SEMA3E: variants seen among roughly 807,000 people sequenced by gnomAD.
The protein encoded by SEMA3E is semaphorin-3E.
Under a neutral mutation model 93.6 loss-of-function variants are expected in SEMA3E, and 49 were observed. The ratio of observed to expected loss-of-function variants is 0.52; its 90% CI spans 0.42 to 0.66. SEMA3E has a LOEUF of 0.66. Among genes scored for constraint, SEMA3E ranks in the 30% least tolerant of loss-of-function variants. The probability of loss-of-function intolerance (pLI) is 0.00; values close to 1 mark genes in which losing one functional copy is unlikely to be tolerated. For missense variants in SEMA3E, 906 were observed against 964.8 expected (o/e 0.94, Z 0.81); for synonymous variants, 363 against 330.7 (o/e 1.10, Z -1.06).
At chr7:83,546,324 GTGTGTGTGTGTGTGT>G (rs1791650170) in intron 1 of SEMA3E, among the ~76,000 whole-genome samples, 2 of 10,154 alleles carry the variant, frequency 2.0e-4, no homozygotes, top group African/African-American at 1.2e-3. Context: ...AATAAGGGGT[GTGTGTGTGTGTGTGT>G]GTGTGTGTGT....
intron 1 of SEMA3E, among the ~76,000 whole-genome samples, chr7:83,631,564 A>C (rs1793786132): frequency 6.6e-6 from 1 of 152,372 alleles, no homozygotes; most frequent in East Asian, 1.9e-4. Flanking sequence ...TGCTAAGCAA[A>C]TTAAGCAAAG....
At chr7:83,529,719 C>T (rs1375877379) in intron 1 of SEMA3E, among the ~76,000 whole-genome samples, 1 of 152,040 alleles carries the variant, frequency 6.6e-6, no homozygotes, top group African/African-American at 2.4e-5. Flanking sequence ...AACTGAAATG[C>T]TAGGTAGGGA....
intron 1 of SEMA3E, among the ~76,000 whole-genome samples, chr7:83,570,008 C>A (rs1792240751): frequency 6.6e-6 from 1 of 152,070 alleles, no homozygotes; most frequent in African/African-American, 2.4e-5. Context: ...AAAATCAAAA[C>A]CATAGCAAGC....
At chr7:83,537,882 C>G (rs974997588) in intron 1 of SEMA3E, among the ~76,000 whole-genome samples, 1 of 152,152 alleles carries the variant, frequency 6.6e-6, no homozygotes, top group Non-Finnish European at 1.5e-5. Flanking sequence ...CAGCCTTAAA[C>G]AACTATTAAT....
chr7:83,482,564 C>CAAA lies in SEMA3E; in HGVS notation c.276+7547_276+7549dup, dbSNP rs11429680. 2.8e-3 allele frequency among the ~76,000 whole-genome samples: 221 copies of CAAA among 79,772 alleles called. 2 individuals carry two copies. Among genetic ancestry groups the CAAA allele is most frequent in the African/African-American group, 5.1e-3 (89 of 17,314 alleles). The allele number at this position is 79,772 out of a possible 152,430, so 52.3% of individuals were successfully genotyped here. A position where few individuals can be genotyped will look rare whatever the true frequency, so the allele number is the denominator to read the frequency against. On this transcript the variant is annotated intron_variant, in intron 2 of 16. Transcript: ENST00000643230. The stretch of plus-strand genomic sequence containing the variant: ...TGCGCGACAGAGCCACACTCCGTCT[C>CAAA]AAAAAAAAAAAAAAAAAAAAAAAAT...
At chr7:83,624,551 C>T (rs922887351) in intron 1 of SEMA3E, among the ~76,000 whole-genome samples, 5 of 152,146 alleles carry the variant, frequency 3.3e-5, no homozygotes, top group African/African-American at 7.2e-5. Context: ...ACATCCTTCG[C>T]CCACTTTTTG....
Position 83,388,432 on chromosome 7 carries a change from T to C in SEMA3E, c.1668-1382A>G, listed in dbSNP as rs931970629. On this transcript the variant is annotated intron_variant, in intron 14 of 16. Coordinates refer to ENST00000643230, the MANE Select transcript of SEMA3E (RefSeq NM_012431.3). ...ATTAAACAATGAGAATTATCATTAGTATTAATAGTATTGAAATTCTAAAAT... is the reference window on the plus strand; with the variant it reads ...ATTAAACAATGAGAATTATCATTAGCATTAATAGTATTGAAATTCTAAAAT... Among the ~76,000 whole-genome samples, 5 of 151,584 alleles carry C rather than the reference T, an allele frequency of 3.3e-5. No homozygotes were observed. The East Asian group carries it at 5.8e-4, about 18-fold the overall frequency.
intron 1 of SEMA3E, among the ~76,000 whole-genome samples, chr7:83,513,405 T>C (rs115668811): frequency 0.015 from 2,315 of 152,316 alleles, 60 homozygotes; most frequent in African/African-American, 0.052. Context: ...AGCAGTGCCA[T>C]AAATGTTTTA....
At chr7:83,494,145 A>G (rs1290074364) in intron 1 of SEMA3E, among the ~76,000 whole-genome samples, 1 of 151,900 alleles carries the variant, frequency 6.6e-6, no homozygotes, top group Non-Finnish European at 1.5e-5. Context: ...GAGTAAGGGT[A>G]AGAGAAAAAC....
intron 3 of SEMA3E, among the ~76,000 whole-genome samples, chr7:83,466,996 C>T (rs967632988): frequency 5.3e-5 from 8 of 150,276 alleles, no homozygotes; most frequent in African/African-American, 2.0e-4. Flanking sequence ...AATGAATCAG[C>T]ATAAAGTCAT....
intron 1 of SEMA3E, among the ~76,000 whole-genome samples, chr7:83,579,947 A>C (rs559683679): frequency 1.8e-4 from 27 of 152,164 alleles, no homozygotes; most frequent in Admixed American, 7.2e-4. Flanking sequence ...AGAATGAGTC[A>C]TTCTTGGGAA....
At chr7:83,438,309 T>C (rs1208153563) in intron 4 of SEMA3E, among the ~76,000 whole-genome samples, 1 of 152,144 alleles carries the variant, frequency 6.6e-6, no homozygotes, top group Non-Finnish European at 1.5e-5. Flanking sequence ...TATAGCCTTC[T>C]ATAATAAATT....
rs542095823 is a variant in SEMA3E at position 83,403,754 on chromosome 7, T to C, written c.999-978A>G. Among the ~76,000 whole-genome samples the C allele has an allele frequency of 3.3e-5, 5 of 152,042 alleles. No homozygotes were observed. In the East Asian group the frequency reaches 9.7e-4, roughly 29 times the overall value. On this transcript the variant is annotated intron_variant, in intron 9 of 16. Transcript: ENST00000643230. ...CTGTCCTACACCCCCAATTTACACA[T>C]TTTATAACACACCTTGAAGCAATTG...
chr7:83,445,974 G>A (rs1328762920), intron 4 of SEMA3E, among the ~76,000 whole-genome samples: 1 of 152,148 alleles, frequency 6.6e-6, no homozygotes, highest in African/African-American at 2.4e-5. Context: ...GTAGCATCTT[G>A]TGTACACTTA....
chr7:83,386,605 T>A (rs932253489), intron 15 of SEMA3E, among the ~76,000 whole-genome samples: 2 of 152,098 alleles, frequency 1.3e-5, no homozygotes, highest in African/African-American at 4.8e-5. Flanking sequence ...ATAGAAGTAA[T>A]ACCAGTTGAT....
intron 2 of SEMA3E, among the ~76,000 whole-genome samples, chr7:83,484,379 T>C (rs1482298080): frequency 6.6e-6 from 1 of 152,064 alleles, no homozygotes; most frequent in Non-Finnish European, 1.5e-5. Context: ...TTTCTCCTCA[T>C]TAATTGAATA....
At chr7:83,394,566 C>T (rs532693466) in intron 12 of SEMA3E, among the ~76,000 whole-genome samples, 14 of 127,196 alleles carry the variant, frequency 1.1e-4, no homozygotes, top group African/African-American at 2.2e-4. Context: ...AGCAGGAAAT[C>T]TAACCAGCTT....
At position 83,367,872 on chromosome 7, in the gene SEMA3E, A is replaced by T; in HGVS notation, c.2042T>A (p.Met681Lys). The part of the protein sequence containing the change: ...EVVEEEKVED[M>K]FNKDDEEDRH... ...GTCCTCCTCATCGTCCTTGTTAAAC[A>T]TATCCTCGACTTTCTCCTCTTCCAC... Residue 681 changes from methionine (M) to lysine (K), a missense_variant, in exon 17 of 17, where the codon ATG becomes AAG. Transcript: ENST00000643230. 1 of 1,611,964 alleles carries T rather than the reference A, an allele frequency of 6.2e-7. No individual in the cohort carries two copies. The highest frequency in any genetic ancestry group is 8.5e-7 in the Non-Finnish European group (1 of 1,178,528).
At chr7:83,424,529 T>A (rs367713576) in intron 4 of SEMA3E, among the ~76,000 whole-genome samples, 3 of 152,278 alleles carry the variant, frequency 2.0e-5, no homozygotes, top group South Asian at 2.1e-4. Flanking sequence ...GGTAATTAAA[T>A]CCCTAACAAC....
Sources: gnomAD v4.1 joint callset for allele counts (sites outside exome capture counted in the v4.1 genomes callset) on GRCh38, gnomAD v4.1.1 for gene constraint, MANE v1.5 for transcripts, NCBI Gene and HGNC (gene_info 2026-07-23, HGNC 2026-07-21) for gene names.